The following CEP162 variants were observed in gnomAD, a reference collection of about 807,000 sequenced individuals.
CEP162 encodes the protein centrosomal protein 162.
Under a neutral mutation model 169.2 loss-of-function variants are expected in CEP162, and 141 were observed. That is an observed-to-expected ratio of 0.83 (90% confidence interval 0.73 to 0.96). The LOEUF is 0.96. Among genes scored for constraint, CEP162 ranks in the 40% least tolerant of loss-of-function variants. CEP162 has a pLI of 0.00. For missense variants in CEP162, 1,600 were observed against 1,587.2 expected, an observed-to-expected ratio of 1.01 and a Z score of -0.14; for synonymous variants, 540 against 526.4, an observed-to-expected ratio of 1.03 and a Z score of -0.35.
At chr6:84,137,780 C>A (rs2099514786) in intron 25 of CEP162, among the ~76,000 whole-genome samples, 1 of 151,750 alleles carries the variant, frequency 6.6e-6, no homozygotes, top group Non-Finnish European at 1.5e-5. Flanking sequence ...TACTAAAACA[C>A]AAAAGAATAT....
intron 2 of CEP162, among the ~76,000 whole-genome samples, chr6:84,225,055 G>C (rs1311490445): frequency 6.6e-6 from 1 of 151,982 alleles, no homozygotes; most frequent in Admixed American, 6.6e-5. Flanking sequence ...AAGTTTTTTT[G>C]TACTACATTA....
intron 25 of CEP162, among the ~76,000 whole-genome samples, chr6:84,130,940 G>T (rs931930913): frequency 1.3e-5 from 2 of 152,064 alleles, no homozygotes; most frequent in Admixed American, 6.6e-5. Flanking sequence ...TCTATTAATT[G>T]TGATGTTAGG....
intron 25 of CEP162, among the ~76,000 whole-genome samples, chr6:84,145,128 T>C (rs1403321995): frequency 6.6e-6 from 1 of 152,104 alleles, no homozygotes; most frequent in Non-Finnish European, 1.5e-5. Flanking sequence ...ACTGGCTTGG[T>C]ACCTTACATA....
chr6:84,214,311 T>C (rs769843050), intron 5 of CEP162, among the ~76,000 whole-genome samples: 6 of 152,192 alleles, frequency 3.9e-5, no homozygotes, highest in Non-Finnish European at 7.4e-5. Flanking sequence ...AAGCTCAGTG[T>C]TCCTCTTCTG....
chr6:84,172,497 C>G (rs917949961), intron 16 of CEP162, among the ~76,000 whole-genome samples: 1 of 152,202 alleles, frequency 6.6e-6, no homozygotes, highest in Non-Finnish European at 1.5e-5. Context: ...TGGCGACAGT[C>G]TGTGCTTAAA....
intron 18 of CEP162, among the ~76,000 whole-genome samples, chr6:84,168,102 A>G (rs1411983195): frequency 1.3e-5 from 2 of 152,126 alleles, no homozygotes; most frequent in Non-Finnish European, 2.9e-5. Flanking sequence ...TTCTGCCATT[A>G]AAATATGTTC....
chr6:84,145,477 A>G (rs2099518437), intron 25 of CEP162, among the ~76,000 whole-genome samples: 1 of 152,180 alleles, frequency 6.6e-6, no homozygotes, highest in South Asian at 2.1e-4. Context: ...TATCTCTGAT[A>G]GAAATGAGGG....
At chr6:84,222,498 C>G (rs1213073258) in intron 2 of CEP162, among the ~76,000 whole-genome samples, 1 of 133,618 alleles carries the variant, frequency 7.5e-6, no homozygotes, top group African/African-American at 2.8e-5. Flanking sequence ...CCAACATTTA[C>G]TACATGCCTG....
At chr6:84,173,170 G>C (rs1315606292) in intron 16 of CEP162, among the ~76,000 whole-genome samples, 1 of 152,138 alleles carries the variant, frequency 6.6e-6, no homozygotes, top group Non-Finnish European at 1.5e-5. Context: ...TAAGAAACTG[G>C]CTATTAAAAA....
At chr6:84,166,262 C>G (rs1392508530) in intron 18 of CEP162, among the ~76,000 whole-genome samples, 5 of 152,180 alleles carry the variant, frequency 3.3e-5, no homozygotes, top group African/African-American at 1.2e-4. Flanking sequence ...TCAAAGGCCT[C>G]TAGCTTCTGG....
intron 3 of CEP162, chr6:84,219,185 G>C: frequency 7.8e-7 from 1 of 1,285,798 alleles, no homozygotes; most frequent in South Asian, 1.2e-5. Flanking sequence ...CTTGATACAG[G>C]AATCACGTCT....
At chr6:84,133,036 T>C (rs2099512275) in intron 25 of CEP162, among the ~76,000 whole-genome samples, 1 of 152,216 alleles carries the variant, frequency 6.6e-6, no homozygotes, top group African/African-American at 2.4e-5. Flanking sequence ...ATATGTGGTT[T>C]TGGTGTGTAT....
At chr6:84,148,230 GAAGTT>G (rs2099519806) in intron 24 of CEP162, among the ~76,000 whole-genome samples, 1 of 151,996 alleles carries the variant, frequency 6.6e-6, no homozygotes, top group Non-Finnish European at 1.5e-5. Context: ...TCAGCGATCT[GAAGTT>G]AAGTTACAGA....
At chr6:84,153,250 T>A (rs1267008369) in intron 22 of CEP162, 71 bp from the exon 23 acceptor site, 1 of 1,361,500 alleles carries the variant, frequency 7.3e-7, no homozygotes, top group Non-Finnish European at 9.9e-7. Context: ...CCCTGCACAC[T>A]ACTGGGTCCT....
At chr6:84,159,868 C>A (rs1301148837) in intron 21 of CEP162, among the ~76,000 whole-genome samples, 1 of 151,984 alleles carries the variant, frequency 6.6e-6, no homozygotes, top group Non-Finnish European at 1.5e-5. Flanking sequence ...AGGCGTGAGC[C>A]ACCGCGCCTG....
intron 9 of CEP162, among the ~76,000 whole-genome samples, chr6:84,196,088 AT>A (rs2099542009): frequency 6.6e-6 from 1 of 152,142 alleles, no homozygotes; most frequent in African/African-American, 2.4e-5. Context: ...GCCTTCTGAT[AT>A]GGTTTGGCTG....
chr6:84,161,839 T>C lies in CEP162; in HGVS notation c.2583A>G (p.Arg861=). The change falls in exon 20 of 27, where the codon AGA becomes AGG. Residue 861 remains arginine (R), a synonymous_variant. Coordinates refer to ENST00000403245, the MANE Select transcript of CEP162 (RefSeq NM_014895.4). The part of the protein sequence containing the change: ...HKQEISRLQK[R]LQWYAENQEL... ...CCTGATTTTCAGCATACCACTGTAATCTTTTTTGCAGACGACTGATTTCTT... is the reference window on the plus strand; with the variant it reads ...CCTGATTTTCAGCATACCACTGTAACCTTTTTTGCAGACGACTGATTTCTT... 2 of 1,593,654 alleles carry C rather than the reference T, an allele frequency of 1.3e-6. No homozygotes were observed. Among genetic ancestry groups the C allele is most frequent in the Middle Eastern group, 3.4e-4 (2 of 5,966 alleles).
chr6:84,168,275 A>T (rs1484974742), intron 18 of CEP162, among the ~76,000 whole-genome samples: 3 of 152,148 alleles, frequency 2.0e-5, no homozygotes, highest in Non-Finnish European at 4.4e-5. Flanking sequence ...GGGGTCGTCC[A>T]ATAATTCATT....
At chr6:84,183,685 C>T (rs1039059021) in intron 13 of CEP162, among the ~76,000 whole-genome samples, 2 of 152,130 alleles carry the variant, frequency 1.3e-5, no homozygotes, top group African/African-American at 4.8e-5. Flanking sequence ...CACTTTTACA[C>T]ACATCATCAG....
Sources: allele counts gnomAD v4.1 joint callset (sites outside exome capture counted in the v4.1 genomes callset), GRCh38; gene constraint gnomAD v4.1.1; transcripts MANE v1.5; gene names NCBI Gene and HGNC (gene_info 2026-07-23, HGNC 2026-07-21).